KRT19: variants seen among roughly 807,000 people sequenced by gnomAD.
The protein encoded by KRT19 is keratin, type I cytoskeletal 19.
In KRT19, 21 loss-of-function variants were observed where a neutral mutation model predicts 34.6. That is an observed-to-expected ratio of 0.61 (90% CI 0.43 to 0.87). The LOEUF (loss-of-function observed/expected upper bound fraction) is 0.87, where lower values mean the gene tolerates loss of function less well. KRT19 is among the 40% of genes least tolerant of loss of function. KRT19 has a pLI of 0.00. For synonymous variants in KRT19, 240 were observed against 245.8 expected, an observed-to-expected ratio of 0.98 and a Z score of 0.22; for missense variants, 514 against 545.7, an observed-to-expected ratio of 0.94 and a Z score of 0.58.
chr17:41,528,083 C>T lies in KRT19; in HGVS notation c.165G>A (p.Ser55=). 3.7e-6 allele frequency: 6 copies of T among 1,610,120 alleles called. No individual in the cohort carries two copies. The highest frequency in any genetic ancestry group is 4.2e-6 in the Non-Finnish European group (5 of 1,178,088). The change falls in exon 1 of 6, where the codon TCG becomes TCA. Residue 55 remains serine (S), a synonymous_variant. Coordinates refer to ENST00000361566, the MANE Select transcript of KRT19 (RefSeq NM_002276.5). ...VSVSSARFVS[S]SSSGAYGGGY... ...CGCCGCCGTAGGCCCCCGAGGAGGA[C>T]GAGGACACAAAGCGGGCGGAGGACA...
chr17:41,527,934 T>C lies in KRT19; in HGVS notation c.314A>G (p.Asn105Ser), dbSNP rs1905927064. ...GCGGATCTTCACCTCTAGCTCGCCG[T>C]TGGCCGCCTCCAGGGCGCGCACCTT... ...LDKVRALEAANGELEVKIRDW... is the reference protein window; with the variant it reads ...LDKVRALEAASGELEVKIRDW... The change falls in exon 1 of 6, where the codon AAC (asparagine) becomes AGC (serine). Residue 105 changes from asparagine to serine, a missense_variant. By Grantham distance (46) the Asn-to-Ser change is conservative. Coordinates refer to ENST00000361566, the MANE Select transcript of KRT19 (RefSeq NM_002276.5). 5 of 1,613,622 alleles carry C rather than the reference T, an allele frequency of 3.1e-6. No individual in the cohort carries two copies. Among genetic ancestry groups the C allele is most frequent in the Non-Finnish European group, 4.2e-6 (5 of 1,179,910 alleles).
In KRT19 at chr17:41,524,418, C is replaced by T; in HGVS notation, c.783G>A (p.Glu261=). The stretch of plus-strand genomic sequence containing the variant: ...AGGCTTCAGCATCCTTCCGGTTCTG[C>T]TCGGCCATGACCTCATATTGGCTTC... ...DMRSQYEVMA[E]QNRKDAEAWF... is the part of the protein sequence containing the mutation. Residue 261 remains glutamate (E), a synonymous_variant, in exon 4 of 6, where the codon GAG becomes GAA. Coordinates refer to ENST00000361566, the MANE Select transcript of KRT19 (RefSeq NM_002276.5). 2 of 1,614,220 alleles carry T rather than the reference C, an allele frequency of 1.2e-6. No individual in the cohort carries two copies. The highest frequency in any genetic ancestry group is 1.7e-6 in the Non-Finnish European group (2 of 1,180,038).
rs531243166 is a variant in KRT19 at position 41,525,115 on chromosome 17, G to A, written c.503+76C>T. 211 of 1,557,702 alleles carry A rather than the reference G, an allele frequency of 1.4e-4. 1 individual carries two copies. The African/African-American group carries it at 2.6e-3, about 19-fold the overall frequency. On this transcript the variant is annotated intron_variant, in intron 2 of 5. Coordinates refer to ENST00000361566, the MANE Select transcript of KRT19 (RefSeq NM_002276.5). ...GGTTAGCTTCAGGCCATCTAGGCTA[G>A]GTGAGGGCAGATTCTAAACCCCCCA...
At chr17:41,525,477 CTG>C (rs1378490588) in intron 1 of KRT19, 1 of 567,968 alleles carries the variant, frequency 1.8e-6, no homozygotes, top group African/African-American at 1.9e-5. Context: ...AGGAAGAAAA[CTG>C]GAGCCAGGGG....
Position 41,525,267 on chromosome 17 carries a change from C to A in KRT19, c.427G>T (p.Gly143Cys). The A allele has an allele frequency of 6.2e-7, 1 of 1,613,134 alleles. No homozygotes were observed. Among genetic ancestry groups the A allele is most frequent in the Non-Finnish European group, 8.5e-7 (1 of 1,179,090 alleles). Residue 143 changes from glycine (G) to cysteine (C), a missense_variant, in exon 2 of 6, where the codon GGT (glycine) becomes TGT (cysteine). Transcript: ENST00000361566. ...TIQDLRDKIL[G>C]ATIENSRIVL... is the part of the protein sequence containing the mutation. ...ATCCTGGAGTTCTCAATGGTGGCACCAAGAATCTGGAAGGCAGAGGCAGAG... is the reference window on the plus strand; with the variant it reads ...ATCCTGGAGTTCTCAATGGTGGCACAAAGAATCTGGAAGGCAGAGGCAGAG...
At position 41,524,126 on chromosome 17, in the gene KRT19, G is replaced by A. The variant is rs750953471; in HGVS notation, c.948+17C>T. The stretch of plus-strand genomic sequence containing the variant: ...GTGAATTGCACAGGGAAGCGGCGGC[G>A]GTGGGGGGACACATACCATGCTCAG... On this transcript the variant is annotated intron_variant, in intron 5 of 5. Transcript: ENST00000361566. The A allele has an allele frequency of 3.0e-5, 49 of 1,607,158 alleles. No homozygotes were observed. The highest frequency in any genetic ancestry group is 5.0e-5 in the Admixed American group (3 of 59,546).
Position 41,523,709 on chromosome 17 carries a change from C to T in KRT19, c.*34G>A, listed in dbSNP as rs1346520945. On this transcript the variant is annotated 3_prime_UTR_variant, in exon 6 of 6. Coordinates refer to ENST00000361566, the MANE Select transcript of KRT19 (RefSeq NM_002276.5). Reference sequence around the variant, plus strand: ...CATCCCTCTACCCAGAAGACACCCTCCAAAGGACAGCAGAAGCCCCAGAGC... The same window carrying T: ...CATCCCTCTACCCAGAAGACACCCTTCAAAGGACAGCAGAAGCCCCAGAGC... 6.2e-7 allele frequency: 1 copy of T among 1,609,470 alleles called. No individual in the cohort carries two copies. Among genetic ancestry groups the T allele is most frequent in the Non-Finnish European group, 8.5e-7 (1 of 1,176,624 alleles).
At chr17:41,525,676 T>C in intron 1 of KRT19, 1 of 213,488 alleles carries the variant, frequency 4.7e-6, no homozygotes, top group Non-Finnish European at 9.3e-6. Flanking sequence ...ATTTGTTGAG[T>C]ATCAATTATG....
chr17:41,525,053 C>G lies in KRT19; in HGVS notation c.504-54G>C, dbSNP rs1272922254. The G allele has an allele frequency of 6.2e-6, 10 of 1,602,662 alleles. No individual in the cohort carries two copies. The Admixed American group carries it at 1.0e-4, about 16-fold the overall frequency. Reference sequence around the variant, plus strand: ...AGAGCTTCCTCAGCATCTCTGAAGACTTCCCTACCTCCCCAGAGTTCAGGA... The same window carrying G: ...AGAGCTTCCTCAGCATCTCTGAAGAGTTCCCTACCTCCCCAGAGTTCAGGA... On this transcript the variant is annotated intron_variant, in intron 2 of 5. Coordinates refer to ENST00000361566, the MANE Select transcript of KRT19 (RefSeq NM_002276.5).
chr17:41,526,562 C>CTTTTTTTTT (rs60030898), intron 1 of KRT19, among the ~76,000 whole-genome samples: 6 of 72,190 alleles, frequency 8.3e-5, no homozygotes, highest in Non-Finnish European at 1.2e-4. Context: ...AAGCTAATTC[C>CTTTTTTTTT]TTTTTTTTTT....
chr17:41,524,739 G>T, intron 3 of KRT19, 104 bp downstream of exon 3: 1 of 1,376,642 alleles, frequency 7.3e-7, no homozygotes, highest in Non-Finnish European at 1.0e-6. Context: ...GGGCCATGGT[G>T]AGGGTGCACC....
rs1451299122 is a variant in KRT19 at position 41,525,192 on chromosome 17, T to A, written c.502A>T (p.Lys168Ter). Residue 168 changes from lysine to a stop codon, truncating the protein, a stop_gained and splice_region_variant, in exon 2 of 6, where the codon AAG (lysine) becomes TAG (stop). Coordinates refer to ENST00000361566, the MANE Select transcript of KRT19 (RefSeq NM_002276.5). LOFTEE classifies it high-confidence loss of function. The part of the protein sequence containing the change: ...ARLAADDFRT[K>*]FETEQALRMS... The stretch of plus-strand genomic sequence containing the variant: ...AGCCCCCAGGACAGAGACACTCACT[T>A]GGTTCGGAAGTCATCTGCAGCCAGA... 4.3e-6 allele frequency: 7 copies of A among 1,611,382 alleles called. No homozygotes were observed. Among genetic ancestry groups the A allele is most frequent in the Non-Finnish European group, 5.9e-6 (7 of 1,177,806 alleles).
intron 1 of KRT19, chr17:41,525,615 C>G (rs1905836212): frequency 3.6e-6 from 1 of 280,922 alleles, no homozygotes; most frequent in Non-Finnish European, 6.8e-6. Flanking sequence ...TTGTCTATAC[C>G]TGCCCCCCCC....
intron 1 of KRT19, among the ~76,000 whole-genome samples, chr17:41,526,561 C>T (rs1253720946): frequency 1.8e-5 from 1 of 55,198 alleles, no homozygotes; most frequent in African/African-American, 5.7e-5. Context: ...CAAGCTAATT[C>T]CTTTTTTTTT....
In KRT19 at chr17:41,528,191, G is replaced by T. The variant is rs550878833; in HGVS notation, c.57C>A (p.Gly19=). The change falls in exon 1 of 6, where the codon GGC becomes GGA. Residue 19 remains glycine (G), a synonymous_variant. Coordinates refer to ENST00000361566, the MANE Select transcript of KRT19 (RefSeq NM_002276.5). Reference sequence around the variant, plus strand: ...CCGGCCCAAAACGCACGGAGCCGCCGCCCAGGCCTCCGAAGGACGACGTGG... The same window carrying T: ...CCGGCCCAAAACGCACGGAGCCGCCTCCCAGGCCTCCGAAGGACGACGTGG... ...SSATSSFGGL[G]GGSVRFGPGV... The T allele has an allele frequency of 1.5e-4, 233 of 1,588,890 alleles. No individual in the cohort carries two copies. Among genetic ancestry groups the T allele is most frequent in the Non-Finnish European group, 1.9e-4 (219 of 1,174,606 alleles).
In KRT19 at chr17:41,524,268, T is replaced by C; in HGVS notation, c.823A>G (p.Thr275Ala). The C allele has an allele frequency of 1.2e-6, 2 of 1,613,736 alleles. No individual in the cohort carries two copies. The highest frequency in any genetic ancestry group is 1.7e-6 in the Non-Finnish European group (2 of 1,179,802). The change falls in exon 5 of 6, where the codon ACT becomes GCT. Residue 275 changes from threonine to alanine, a missense_variant and splice_region_variant. Coordinates refer to ENST00000361566, the MANE Select transcript of KRT19 (RefSeq NM_002276.5). Reference protein sequence around the residue: ...KDAEAWFTSRTEELNREVAGH... With the variant: ...KDAEAWFTSRAEELNREVAGH... Reference sequence around the variant, plus strand: ...GCGACCTCCCGGTTCAATTCTTCAGTCTGCAGAGAGAGGAAGAAGAGGGAA... The same window carrying C: ...GCGACCTCCCGGTTCAATTCTTCAGCCTGCAGAGAGAGGAAGAAGAGGGAA...
chr17:41,523,852 C>G lies in KRT19; in HGVS notation c.1094G>C (p.Arg365Pro). The G allele has an allele frequency of 6.2e-7, 1 of 1,614,054 alleles. No homozygotes were observed. The highest frequency in any genetic ancestry group is 8.5e-7 in the Non-Finnish European group (1 of 1,180,028). The change falls in exon 6 of 6, where the codon CGG becomes CCG. Residue 365 changes from arginine to proline, a missense_variant. Transcript: ENST00000361566. Reference sequence around the variant, plus strand: ...CAGCCGCGACTTGATGTCCATGAGCCGCTGGTACTCCTGATTCTGCCGCTC... The same window carrying G: ...CAGCCGCGACTTGATGTCCATGAGCGGCTGGTACTCCTGATTCTGCCGCTC... The part of the protein sequence containing the change: ...DSERQNQEYQ[R>P]LMDIKSRLEQ...
At chr17:41,527,799 G>A (rs764973813) in intron 1 of KRT19, 29 bp downstream of exon 1, 1 of 1,546,606 alleles carries the variant, frequency 6.5e-7, no homozygotes, top group Non-Finnish European at 8.7e-7. Context: ...CAGGTGCACT[G>A]CACTTCCCGC....
intron 1 of KRT19, 83 bp from the exon 2 acceptor site, chr17:41,525,356 C>T (rs749838363): frequency 5.8e-6 from 6 of 1,026,430 alleles, no homozygotes; most frequent in African/African-American, 4.7e-5. Context: ...GAGAGGGGAG[C>T]AAATGAATAT....
Sources: gnomAD v4.1 joint callset for allele counts (sites outside exome capture counted in the v4.1 genomes callset) on GRCh38, gnomAD v4.1.1 for gene constraint, MANE v1.5 for transcripts, NCBI Gene and HGNC (gene_info 2026-07-23, HGNC 2026-07-21) for gene names.